Variants in CHFR observed in about 807,000 individuals in gnomAD.
CHFR encodes E3 ubiquitin-protein ligase CHFR.
A neutral mutation model predicts 87.6 loss-of-function variants in CHFR; 57 were observed. The observed-to-expected ratio is 0.65, with a 90% CI of 0.53 to 0.81. CHFR has a LOEUF of 0.81. CHFR is among the 30% of genes least tolerant of loss of function. CHFR has a pLI of 0.00. For missense variants in CHFR, 797 were observed against 865.8 expected (o/e 0.92, Z 1.00); for synonymous variants, 381 against 359.2 (o/e 1.06, Z -0.69).
chr12:132,887,507 C>G (rs1951930071), intron 1 of CHFR, 40 bp downstream of exon 1: 1 of 233,128 alleles, frequency 4.3e-6, no homozygotes, highest in Admixed American at 6.6e-5. Context: ...CCAGGTCCCC[C>G]TTCGCCGCCC....
chr12:132,853,364 G>A (rs1950988833), intron 11 of CHFR, 67 bp downstream of exon 11: 21 of 1,405,302 alleles, frequency 1.5e-5, no homozygotes, highest in Admixed American at 3.3e-5. Context: ...CCACGTGCAC[G>A]TCAGCACCGG....
rs559525007 is a variant in CHFR at position 132,835,326 on chromosome 12, C to T, written c.*6228G>A. 1.3e-5 allele frequency: 2 copies of T among 152,246 alleles called. No homozygotes were observed. The highest frequency in any genetic ancestry group is 1.9e-4 in the East Asian group (1 of 5,168). 9.4% of individuals were successfully genotyped at this position (152,246 alleles called of 1,614,324 possible). A position where few individuals can be genotyped will look rare whatever the true frequency, so the allele number is the denominator to read the frequency against. ...TGCGAGCTTTGATGGCAGAGTGTTACAATATGTTCAAGCCCTAAATCCCAG... is the reference window on the plus strand; with the variant it reads ...TGCGAGCTTTGATGGCAGAGTGTTATAATATGTTCAAGCCCTAAATCCCAG... On this transcript the variant is annotated 3_prime_UTR_variant, in exon 18 of 18. Transcript: ENST00000450056.
intron 16 of CHFR, 123 bp downstream of exon 16, chr12:132,843,904 G>T: frequency 1.7e-6 from 1 of 586,988 alleles, no homozygotes; most frequent in Non-Finnish European, 3.1e-6. Context: ...AGCCGAGATT[G>T]CACCACTGCA....
At chr12:132,853,669 A>C (rs1950998756) in intron 10 of CHFR, 96 bp from the exon 11 acceptor site, 6 of 1,369,142 alleles carry the variant, frequency 4.4e-6, no homozygotes, top group Non-Finnish European at 5.8e-6. Context: ...GCTCAGCTCC[A>C]CCGTCGCTCA....
chr12:132,857,359 G>A (rs1951104650), intron 9 of CHFR, 46 bp downstream of exon 9: 3 of 1,595,626 alleles, frequency 1.9e-6, no homozygotes, highest in South Asian at 1.1e-5. Flanking sequence ...GTGGTGGAGG[G>A]ACCGCCCTCA....
At position 132,879,207 on chromosome 12, in the gene CHFR, T is replaced by C. The variant is rs1196622155; in HGVS notation, c.134-1553A>G. Among the ~76,000 whole-genome samples the C allele has an allele frequency of 2.6e-5, 4 of 151,790 alleles. No individual in the cohort carries two copies. In the East Asian group the frequency reaches 5.9e-4, roughly 22 times the overall value. ...TTTTAGTAGAGACGGGGTTTCACCA[T>C]GCTGGTCTTGAACTCCTGACCTCTT... On this transcript the variant is annotated intron_variant, in intron 2 of 17. Transcript: ENST00000450056.
chr12:132,839,857 G>T lies in CHFR; in HGVS notation c.*1697C>A. On this transcript the variant is annotated 3_prime_UTR_variant, in exon 18 of 18. Coordinates refer to ENST00000450056, the MANE Select transcript of CHFR (RefSeq NM_001161346.2). ...CACAAACTCGGGATCTCCCCTCTCA[G>T]CCTCGCCCCTGCACTAACTTGGGAC... 1 of 156,310 alleles carries T rather than the reference G, an allele frequency of 6.4e-6. No homozygotes were observed. Among genetic ancestry groups the T allele is most frequent in the Non-Finnish European group, 1.3e-5 (1 of 75,624 alleles). The allele number at this position is 156,310 out of a possible 1,614,324, so 9.7% of individuals were successfully genotyped here. A position where few individuals can be genotyped will look rare whatever the true frequency, so the allele number is the denominator to read the frequency against.
At chr12:132,885,751 T>G (rs981092227) in intron 2 of CHFR, among the ~76,000 whole-genome samples, 3 of 152,134 alleles carry the variant, frequency 2.0e-5, no homozygotes, top group African/African-American at 7.2e-5. Flanking sequence ...AGCAAATCTA[T>G]GAAGTAGGTA....
At chr12:132,879,317 A>G (rs1266300926) in intron 2 of CHFR, among the ~76,000 whole-genome samples, 1 of 151,924 alleles carries the variant, frequency 6.6e-6, no homozygotes, top group Non-Finnish European at 1.5e-5. Flanking sequence ...TTGTACACGT[A>G]TAAGAAACTG....
chr12:132,861,287 CA>C lies in CHFR; in HGVS notation c.751+179del, dbSNP rs964744970. Among the ~76,000 whole-genome samples, 4 of 152,138 alleles carry C rather than the reference CA, an allele frequency of 2.6e-5. No individual in the cohort carries two copies. In the East Asian group the frequency reaches 7.7e-4, roughly 29 times the overall value. ...AGTTCTATCTGGATTATGCAAACCG[CA>C]AAAAAACAGGCCCAGGTTTTCTGAA... On this transcript the variant is annotated intron_variant, in intron 7 of 17. Transcript: ENST00000450056.
At chr12:132,857,627 C>G in intron 8 of CHFR, 68 bp from the exon 9 acceptor site, 2 of 1,512,468 alleles carry the variant, frequency 1.3e-6, no homozygotes, top group South Asian at 1.2e-5. Context: ...GACCAAGGTC[C>G]GCAGCAGCCC....
At chr12:132,861,915 C>A in intron 6 of CHFR, 1 of 408,674 alleles carries the variant, frequency 2.4e-6, no homozygotes, top group Non-Finnish European at 4.6e-6. Flanking sequence ...AGCACCGAGT[C>A]TAACGCAGGG....
chr12:132,857,616 C>A, intron 8 of CHFR, 57 bp from the exon 9 acceptor site: 1 of 1,561,700 alleles, frequency 6.4e-7, no homozygotes, highest in Non-Finnish European at 8.7e-7. Flanking sequence ...CCGCGACCCT[C>A]GACCAAGGTC....
chr12:132,845,873 T>TA (rs1404172112), intron 15 of CHFR, among the ~76,000 whole-genome samples: 1 of 152,174 alleles, frequency 6.6e-6, no homozygotes, highest in Non-Finnish European at 1.5e-5. Flanking sequence ...ACACAAATGT[T>TA]TCTTATGATT....
intron 12 of CHFR, 49 bp from the exon 13 acceptor site, chr12:132,848,773 T>C (rs902445586): frequency 2.2e-6 from 3 of 1,362,668 alleles, no homozygotes; most frequent in Admixed American, 4.0e-5. Context: ...GAGGGCTGTC[T>C]CCAACACAAT....
chr12:132,850,324 A>G (rs1950912226), intron 12 of CHFR, among the ~76,000 whole-genome samples: 1 of 152,214 alleles, frequency 6.6e-6, no homozygotes, highest in Admixed American at 6.5e-5. Flanking sequence ...TAAGTCTTAT[A>G]ACGCCTACGA....
chr12:132,857,659 G>A, intron 8 of CHFR, 100 bp from the exon 9 acceptor site: 6 of 1,182,556 alleles, frequency 5.1e-6, no homozygotes, highest in South Asian at 1.5e-5. Context: ...GGCCTACAGG[G>A]GCCCAGCCAT....
In CHFR at chr12:132,838,801, G is replaced by A. The variant is rs1410488828; in HGVS notation, c.*2753C>T. Reference sequence around the variant, plus strand: ...AAGTACAGAAGCTCATGAAAAGACGGAATGAGTTCACGGCCACCTGCTTCC... The same window carrying A: ...AAGTACAGAAGCTCATGAAAAGACGAAATGAGTTCACGGCCACCTGCTTCC... On this transcript the variant is annotated 3_prime_UTR_variant, in exon 18 of 18. Coordinates refer to ENST00000450056, the MANE Select transcript of CHFR (RefSeq NM_001161346.2). 6.6e-6 allele frequency: 1 copy of A among 152,258 alleles called. No homozygotes were observed. Among genetic ancestry groups the A allele is most frequent in the African/African-American group, 2.4e-5 (1 of 41,432 alleles). The allele number at this position is 152,258 out of a possible 1,614,324, so 9.4% of individuals were successfully genotyped here.
intron 10 of CHFR, among the ~76,000 whole-genome samples, chr12:132,855,336 C>T (rs971582866): frequency 1.3e-5 from 2 of 151,850 alleles, no homozygotes; most frequent in East Asian, 1.9e-4. Flanking sequence ...GCAGGAGAAT[C>T]GCTTGAACCC....
Sources: gnomAD v4.1 joint callset for allele counts (sites outside exome capture counted in the v4.1 genomes callset) on GRCh38, gnomAD v4.1.1 for gene constraint, MANE v1.5 for transcripts, NCBI Gene and HGNC (gene_info 2026-07-23, HGNC 2026-07-21) for gene names.